Variants in CMIP observed in about 807,000 individuals in gnomAD.
The protein encoded by CMIP is C-Maf-inducing protein.
CMIP carries 13 observed loss-of-function variants against 97.3 expected under a neutral mutation model. That is an observed-to-expected ratio of 0.13 (90% CI 0.09 to 0.21). The LOEUF (loss-of-function observed/expected upper bound fraction) is 0.21, where lower values mean the gene tolerates loss of function less well. Ranked by LOEUF, CMIP falls within the 10% of genes least tolerant of loss-of-function variation. The probability of loss-of-function intolerance (pLI) is 1.00; values close to 1 mark genes in which losing one functional copy is unlikely to be tolerated. For synonymous variants in CMIP, 538 were observed against 436.3 expected (o/e 1.23, Z -2.91); for missense variants, 847 against 1,024.9 (o/e 0.83, Z 2.37).
At chr16:81,697,015 T>A (rs1037472157) in intron 14 of CMIP, 1 of 289,350 alleles carries the variant, frequency 3.5e-6, no homozygotes, top group Non-Finnish European at 6.5e-6. Flanking sequence ...CATGGTTATG[T>A]TCCTACAAGA....
chr16:81,579,146 A>G (rs533199216), intron 1 of CMIP, among the ~76,000 whole-genome samples: 4 of 152,198 alleles, frequency 2.6e-5, no homozygotes, highest in Middle Eastern at 3.4e-3. Flanking sequence ...GGACATGGGG[A>G]TGGCACCCCC....
intron 1 of CMIP, among the ~76,000 whole-genome samples, chr16:81,566,310 G>T (rs1375344179): frequency 5.3e-5 from 8 of 152,358 alleles, no homozygotes; most frequent in Admixed American, 4.6e-4. Context: ...TGGTCTCCCA[G>T]CCTCCTGGGG....
intron 1 of CMIP, among the ~76,000 whole-genome samples, chr16:81,590,840 CATCCA>C (rs1396158192): frequency 2.0e-5 from 3 of 151,832 alleles, no homozygotes; most frequent in Admixed American, 2.0e-4. Flanking sequence ...TCCATCCATC[CATCCA>C]TCCATCCATC....
chr16:81,530,093 G>A (rs1018970645), intron 1 of CMIP, among the ~76,000 whole-genome samples: 2 of 152,184 alleles, frequency 1.3e-5, no homozygotes, highest in African/African-American at 4.8e-5. Context: ...CCATCTTTCA[G>A]TCAGGCCGCT....
rs180799156 is a variant in CMIP, at chr16:81,544,058, A to G, written c.301-63509A>G. Among the ~76,000 whole-genome samples the G allele has an allele frequency of 6.9e-3, 1,053 of 152,344 alleles. 9 individuals carry two copies. Among genetic ancestry groups the G allele is most frequent in the Non-Finnish European group, 9.6e-3 (656 of 68,032 alleles). On this transcript the variant is annotated intron_variant, in intron 1 of 20. Transcript: ENST00000537098. ...CCTCCTTGGGGTACCCATTCCCATT[A>G]GAAAACAGTTCATCAGCCCAGAAGA...
chr16:81,471,179 T>C (rs1369477889), intron 1 of CMIP, among the ~76,000 whole-genome samples: 2 of 152,142 alleles, frequency 1.3e-5, no homozygotes, highest in Non-Finnish European at 2.9e-5. Context: ...ATAGGCACAA[T>C]ACATGCATAT....
At chr16:81,670,438 A>G (rs1234706528) in intron 8 of CMIP, among the ~76,000 whole-genome samples, 193 bp downstream of exon 8, 1 of 152,126 alleles carries the variant, frequency 6.6e-6, no homozygotes, top group African/African-American at 2.4e-5. Context: ...CTGTTTCCTC[A>G]GGTCCCACGA....
chr16:81,452,885 GTTTT>G (rs558606255), intron 1 of CMIP, among the ~76,000 whole-genome samples: 20,144 of 129,104 alleles, frequency 0.16, 1,113 homozygotes, highest in Non-Finnish European at 0.17. Context: ...TTTTTGTTTT[GTTTT>G]TTTTTTTTTT....
chr16:81,549,552 G>A (rs1335452650), intron 1 of CMIP, among the ~76,000 whole-genome samples: 2 of 152,170 alleles, frequency 1.3e-5, no homozygotes, highest in Non-Finnish European at 2.9e-5. Context: ...GGGGGCGGGG[G>A]GCGGAGGATA....
In CMIP at chr16:81,596,432, A is replaced by G. The variant is rs560238000; in HGVS notation, c.301-11135A>G. ...GAGGGAAGAGAATCGCTTGAAGCCA[A>G]GGAGGCAGAGGTTGCAGTGAGCCAG... On this transcript the variant is annotated intron_variant, in intron 1 of 20. Coordinates refer to ENST00000537098, the MANE Select transcript of CMIP (RefSeq NM_198390.3). Among the ~76,000 whole-genome samples the G allele has an allele frequency of 2.0e-5, 3 of 150,910 alleles. No homozygotes were observed. The South Asian group carries it at 6.3e-4, about 32-fold the overall frequency.
chr16:81,609,600 GT>G (rs1473349207), intron 2 of CMIP, among the ~76,000 whole-genome samples: 2 of 152,238 alleles, frequency 1.3e-5, no homozygotes, highest in Admixed American at 6.5e-5. Flanking sequence ...AGAGGCAACC[GT>G]GGAGGACTGG....
intron 1 of CMIP, chr16:81,519,870 C>T (rs1219644725): frequency 6.6e-6 from 1 of 152,218 alleles, no homozygotes; most frequent in Non-Finnish European, 1.5e-5. Context: ...CTTTGTCATC[C>T]TGAATGGCGA....
chr16:81,581,873 C>T (rs1169800789), intron 1 of CMIP, among the ~76,000 whole-genome samples: 1 of 152,124 alleles, frequency 6.6e-6, no homozygotes, highest in Non-Finnish European at 1.5e-5. Context: ...TTGTATTAAT[C>T]AGTTCTTACC....
chr16:81,514,633 C>T (rs1213340298), intron 1 of CMIP, among the ~76,000 whole-genome samples: 1 of 152,148 alleles, frequency 6.6e-6, no homozygotes, highest in African/African-American at 2.4e-5. Context: ...CGGTCAATCG[C>T]GGTGGCTCTG....
Position 81,614,270 on chromosome 16 carries a change from G to A in CMIP, c.426+6578G>A, listed in dbSNP as rs146965168. Among the ~76,000 whole-genome samples, 7 of 152,350 alleles carry A rather than the reference G, an allele frequency of 4.6e-5. No individual in the cohort carries two copies. The highest frequency in any genetic ancestry group is 1.9e-4 in the East Asian group (1 of 5,190). ...GCCAGGTGCTGCCACAGTCACCAGC[G>A]ACCACGCATTCTAGGTGGCTGGAAG... On this transcript the variant is annotated intron_variant, in intron 2 of 20. Transcript: ENST00000537098. This position sits in a 1 kb window ranked among gnomAD's most constrained non-coding sequence, Gnocchi z 5.3.
chr16:81,517,807 C>T (rs767833066), intron 1 of CMIP: 6 of 232,258 alleles, frequency 2.6e-5, no homozygotes, highest in Middle Eastern at 2.1e-3. Flanking sequence ...TCCCATCCTT[C>T]GGGAATGCCG....
At chr16:81,539,671 T>C (rs975868556) in intron 1 of CMIP, among the ~76,000 whole-genome samples, 2 of 152,196 alleles carry the variant, frequency 1.3e-5, no homozygotes, top group African/African-American at 4.8e-5. Context: ...TGGAGCCTCC[T>C]CCCTACCACC....
At chr16:81,643,511 C>T (rs950466514) in intron 3 of CMIP, among the ~76,000 whole-genome samples, 4 of 152,234 alleles carry the variant, frequency 2.6e-5, no homozygotes, top group Admixed American at 2.6e-4. Flanking sequence ...ACATGGTGGC[C>T]GGGCGCAGTG....
chr16:81,669,841 G>A (rs1020081280), intron 7 of CMIP, among the ~76,000 whole-genome samples: 2 of 152,126 alleles, frequency 1.3e-5, no homozygotes, highest in African/African-American at 4.8e-5. Context: ...AGCCTTTCTG[G>A]CTCTCTTTTC....
Sources: gnomAD v4.1 joint callset for allele counts (sites outside exome capture counted in the v4.1 genomes callset) on GRCh38, gnomAD v4.1.1 for gene constraint, Gnocchi (gnomAD v3.1) non-coding constraint, MANE v1.5 for transcripts, NCBI Gene and HGNC (gene_info 2026-07-23, HGNC 2026-07-21) for gene names.